Variants in KCNIP4 observed in about 807,000 individuals in gnomAD.
KCNIP4 encodes potassium voltage-gated channel interacting protein 4, also known as Kv channel-interacting protein 4.
A neutral mutation model predicts 34.0 loss-of-function variants in KCNIP4; 12 were observed. The ratio of observed to expected loss-of-function variants is 0.35; its 90% CI spans 0.23 to 0.57. KCNIP4 has a LOEUF of 0.57. Ranked by LOEUF, KCNIP4 falls within the 20% of genes least tolerant of loss-of-function variation. The pLI, the probability that KCNIP4 is intolerant of heterozygous loss-of-function variation, is 0.83. For missense variants in KCNIP4, 238 were observed against 311.7 expected (o/e 0.76, Z 1.78); for synonymous variants, 124 against 102.2 (o/e 1.21, Z -1.29).
chr4:20,970,685 C>T (rs1200373579), intron 1 of KCNIP4, among the ~76,000 whole-genome samples: 3 of 152,170 alleles, frequency 2.0e-5, no homozygotes, highest in Non-Finnish European at 4.4e-5. Flanking sequence ...TATCCAGCCC[C>T]AAGTGTTCAT....
At chr4:20,774,215 G>C (rs923253076) in intron 3 of KCNIP4, among the ~76,000 whole-genome samples, 4 of 152,116 alleles carry the variant, frequency 2.6e-5, no homozygotes, top group African/African-American at 4.8e-5. Flanking sequence ...GAACCTGTTA[G>C]CTTTTGTCAT....
chr4:21,201,573 A>T (rs1756497163), intron 1 of KCNIP4, among the ~76,000 whole-genome samples: 1 of 152,080 alleles, frequency 6.6e-6, no homozygotes, highest in African/African-American at 2.4e-5. Context: ...ATCTCGGCTC[A>T]CTGCAAGCTC....
intron 1 of KCNIP4, among the ~76,000 whole-genome samples, chr4:21,318,847 A>C (rs974684869): frequency 2.0e-5 from 3 of 152,154 alleles, no homozygotes; most frequent in Non-Finnish European, 2.9e-5. Context: ...GGACATTAGA[A>C]ACATGAAGAG....
chr4:21,412,226 C>T (rs1724571541), intron 1 of KCNIP4, among the ~76,000 whole-genome samples: 1 of 152,158 alleles, frequency 6.6e-6, no homozygotes, highest in Admixed American at 6.5e-5. Flanking sequence ...GTCATTCTCC[C>T]CTTTGTTCCT....
chr4:21,094,751 G>A (rs983972586), intron 1 of KCNIP4, among the ~76,000 whole-genome samples: 4 of 152,198 alleles, frequency 2.6e-5, no homozygotes, highest in Admixed American at 6.5e-5. Flanking sequence ...CTGCCACATT[G>A]TGAGGAAACT....
intron 1 of KCNIP4, among the ~76,000 whole-genome samples, chr4:21,887,058 A>C (rs577378141): frequency 1.5e-4 from 23 of 152,246 alleles, no homozygotes; most frequent in African/African-American, 4.8e-4. Context: ...ATAAAGTACA[A>C]ATTTTTTTAA....
chr4:21,334,284 G>T (rs1038465781), intron 1 of KCNIP4, among the ~76,000 whole-genome samples: 8 of 151,904 alleles, frequency 5.3e-5, no homozygotes, highest in Non-Finnish European at 8.8e-5. Context: ...GAATAAAAGG[G>T]TGAAATGATT....
chr4:21,801,420 A>G (rs911051195), intron 1 of KCNIP4, among the ~76,000 whole-genome samples: 2 of 152,052 alleles, frequency 1.3e-5, no homozygotes, highest in African/African-American at 4.8e-5. Flanking sequence ...AGGGAGTTAG[A>G]TTGGTGATTA....
rs567725527 is a variant in KCNIP4 at position 20,939,560 on chromosome 4, G to C, written c.62-56851C>G. On this transcript the variant is annotated intron_variant, in intron 1 of 8. Transcript: ENST00000382152. ...AGCTAATTTTTGTATTTTTAGTAGA[G>C]ACAGGGTTTCATCATGTAGGCCAGG... Among the ~76,000 whole-genome samples, 40 of 151,982 alleles carry C rather than the reference G, an allele frequency of 2.6e-4. No individual in the cohort carries two copies. In the Middle Eastern group the frequency reaches 0.01, roughly 39 times the overall value.
chr4:21,581,729 A>G (rs769308290), intron 1 of KCNIP4, among the ~76,000 whole-genome samples: 1 of 151,946 alleles, frequency 6.6e-6, no homozygotes, highest in Non-Finnish European at 1.5e-5. Flanking sequence ...AGCTTGGTTC[A>G]GTCCCTCATC....
chr4:20,992,929 G>A (rs575587558), intron 1 of KCNIP4, among the ~76,000 whole-genome samples: 72 of 149,198 alleles, frequency 4.8e-4, no homozygotes, highest in African/African-American at 1.7e-3. Flanking sequence ...TCTGGAGGCT[G>A]AGGCAGGAGA....
At chr4:21,134,192 C>T (rs1317042182) in intron 1 of KCNIP4, among the ~76,000 whole-genome samples, 1 of 152,244 alleles carries the variant, frequency 6.6e-6, no homozygotes, top group Admixed American at 6.5e-5. Context: ...CTCTGCCACC[C>T]CTGAGATAGT....
chr4:21,057,021 C>A (rs567821692), intron 1 of KCNIP4, among the ~76,000 whole-genome samples: 2 of 152,102 alleles, frequency 1.3e-5, no homozygotes, highest in Non-Finnish European at 2.9e-5. Flanking sequence ...AACATATTAA[C>A]AATATATTCC....
At chr4:21,717,779 C>T (rs899271302) in intron 1 of KCNIP4, among the ~76,000 whole-genome samples, 24 of 152,074 alleles carry the variant, frequency 1.6e-4, no homozygotes, top group African/African-American at 5.6e-4. Flanking sequence ...TTTCATTGGC[C>T]CCACTCCTGC....
chr4:21,766,065 C>T (rs180765458), intron 1 of KCNIP4, among the ~76,000 whole-genome samples: 6 of 152,150 alleles, frequency 3.9e-5, no homozygotes, highest in Admixed American at 2.0e-4. Context: ...ACCTGATTAA[C>T]GCTCTCTGAG....
chr4:21,632,461 G>A (rs1397911863), intron 1 of KCNIP4, among the ~76,000 whole-genome samples: 31 of 152,178 alleles, frequency 2.0e-4, no homozygotes, highest in Admixed American at 2.0e-3. Context: ...CTGACCCCAA[G>A]TGATCCACCC....
intron 1 of KCNIP4, among the ~76,000 whole-genome samples, chr4:20,999,427 GTTTGTTTTTTGTTT>G (rs1560634175): frequency 3.6e-4 from 10 of 27,728 alleles, no homozygotes; most frequent in African/African-American, 6.3e-4. Context: ...TTTTTTTTTT[GTTTGTTTTTTGTTT>G]TTTTTTTTTT....
At chr4:21,016,262 T>C (rs1739533478) in intron 1 of KCNIP4, among the ~76,000 whole-genome samples, 1 of 151,162 alleles carries the variant, frequency 6.6e-6, no homozygotes, top group African/African-American at 2.4e-5. Flanking sequence ...GCATGGTACC[T>C]GGCATGCTGT....
intron 1 of KCNIP4, among the ~76,000 whole-genome samples, chr4:21,358,005 T>G (rs1183963372): frequency 6.6e-6 from 1 of 152,158 alleles, no homozygotes; most frequent in Non-Finnish European, 1.5e-5. Flanking sequence ...AAGGATGAGT[T>G]CACATCCTTT....
Sources: allele counts gnomAD v4.1 joint callset (sites outside exome capture counted in the v4.1 genomes callset), GRCh38; gene constraint gnomAD v4.1.1; transcripts MANE v1.5; gene names NCBI Gene and HGNC (gene_info 2026-07-23, HGNC 2026-07-21).